AVEN: variants seen among roughly 807,000 people sequenced by gnomAD.
AVEN encodes the protein cell death regulator Aven.
AVEN carries 41 observed loss-of-function variants against 38.1 expected under a neutral mutation model. The ratio of observed to expected loss-of-function variants is 1.08; its 90% CI spans 0.84 to 1.40. AVEN has a LOEUF of 1.40. AVEN is among the 40% of genes most tolerant of loss of function. AVEN has a pLI of 0.00. For synonymous variants in AVEN, 206 were observed against 171.8 expected, an observed-to-expected ratio of 1.20 and a Z score of -1.56; for missense variants, 605 against 438.8, an observed-to-expected ratio of 1.38 and a Z score of -3.38.
intron 5 of AVEN, among the ~76,000 whole-genome samples, chr15:34,057,303 A>ATTTTTTTT (rs59628367): frequency 1.4e-5 from 2 of 147,252 alleles, no homozygotes; most frequent in Non-Finnish European, 3.0e-5. Context: ...CGCCCAGCTA[A>ATTTTTTTT]TTTTTTTTTT....
intron 1 of AVEN, among the ~76,000 whole-genome samples, chr15:34,036,720 C>T (rs965749229): frequency 4.6e-5 from 7 of 152,056 alleles, no homozygotes; most frequent in African/African-American, 1.7e-4. Flanking sequence ...AAGACCAACT[C>T]GACAAAAGAA....
Position 33,859,718 on chromosome 15 carries a change from G to C in AVEN, n.2730-624C>G, listed in dbSNP as rs2153013617. On this transcript the variant is annotated intron_variant and non_coding_transcript_variant, in intron 11 of 11. Coordinates refer to the AVEN transcript ENST00000675287. ...TCTTCTTCGTCATTGTCATCTTGCT[G>C]GCCATCATTCAAGGTATGATTGCCA... is the stretch of plus-strand genomic sequence containing the variant. 3 of 1,609,228 alleles carry C rather than the reference G, an allele frequency of 1.9e-6. No individual in the cohort carries two copies. The East Asian group carries it at 6.7e-5, about 36-fold the overall frequency.
chr15:33,860,812 C>G (rs1002473995), intron 11 of AVEN, among the ~76,000 whole-genome samples: 1 of 152,008 alleles, frequency 6.6e-6, no homozygotes, highest in Non-Finnish European at 1.5e-5. Context: ...CCCTGCCATA[C>G]CCCTGCCAGG....
chr15:33,892,736 GT>G (rs35922662), intron 2 of AVEN, among the ~76,000 whole-genome samples: 146,837 of 150,548 alleles, frequency 0.98, 71,617 homozygotes, highest in East Asian at 0.98. Flanking sequence ...CTTTAAAGTA[GT>G]TTTTTTTTTT....
chr15:33,983,172 ATATATACACACGTGTGTG>A (rs1896245611), intron 2 of AVEN, among the ~76,000 whole-genome samples: 2 of 93,342 alleles, frequency 2.1e-5, no homozygotes, highest in Non-Finnish European at 3.8e-5. Context: ...GTGTGTGTGT[ATATATACACACGTGTGTG>A]TATGTGTGTG....
intron 2 of AVEN, among the ~76,000 whole-genome samples, chr15:33,986,398 C>T (rs578016843): frequency 2.2e-4 from 34 of 152,076 alleles, no homozygotes; most frequent in African/African-American, 7.7e-4. Flanking sequence ...CGTAAGCCAC[C>T]GCGCCCGGCC....
rs1567460464 is a variant in AVEN at position 34,003,164 on chromosome 15, C to A, written c.313G>T (p.Glu105Ter). The A allele has an allele frequency of 6.2e-7, 1 of 1,613,642 alleles. No homozygotes were observed. Among genetic ancestry groups the A allele is most frequent in the African/African-American group, 1.3e-5 (1 of 74,896 alleles). Residue 105 changes from glutamate (E) to a stop codon, truncating the protein, a stop_gained, in exon 2 of 6, where the codon GAA (glutamate) becomes TAA (stop). Coordinates refer to ENST00000306730, the MANE Select transcript of AVEN (RefSeq NM_020371.3). LOFTEE classifies it high-confidence loss of function. ...TTTCTTTTAGAATAATTTCCCTGTTCATCATTCTCTTCTCCATAGGTCTCT... is the reference window on the plus strand; with the variant it reads ...TTTCTTTTAGAATAATTTCCCTGTTAATCATTCTCTTCTCCATAGGTCTCT... ...DAETYGEEND[E>*]QGNYSKRKIV...
chr15:33,860,518 A>G, intron 11 of AVEN: 1 of 831,294 alleles, frequency 1.2e-6, no homozygotes, highest in South Asian at 2.2e-5. Flanking sequence ...AACAGAACAA[A>G]GTAGCTTCTT....
At chr15:34,052,987 A>G (rs978690035) in intron 5 of AVEN, among the ~76,000 whole-genome samples, 6 of 152,090 alleles carry the variant, frequency 3.9e-5, no homozygotes, top group South Asian at 2.1e-4. Flanking sequence ...CAAAATTAGA[A>G]AAAAACTACT....
chr15:33,925,786 T>C (rs776548650), intron 2 of AVEN, among the ~76,000 whole-genome samples: 3 of 152,214 alleles, frequency 2.0e-5, no homozygotes, highest in Non-Finnish European at 4.4e-5. Flanking sequence ...ACTCTGAACC[T>C]ACTTGAGATG....
At chr15:33,890,920 C>A (rs1891919322) in intron 2 of AVEN, among the ~76,000 whole-genome samples, 1 of 152,092 alleles carries the variant, frequency 6.6e-6, no homozygotes, top group South Asian at 2.1e-4. Context: ...CCAGCCTGGG[C>A]AACATAGTGA....
At chr15:33,853,669 T>C in the AVEN span, 1 of 1,613,718 alleles carries the variant, frequency 6.2e-7, no homozygotes, top group Non-Finnish European at 8.5e-7. Flanking sequence ...AGAAGCGGCT[T>C]CTCTGGTGTC....
intron 1 of AVEN, among the ~76,000 whole-genome samples, chr15:34,008,736 C>A (rs972900008): frequency 2.0e-5 from 3 of 152,060 alleles, no homozygotes; most frequent in Admixed American, 2.0e-4. Context: ...GATCTGCCCG[C>A]TTCAGCCTCC....
chr15:34,023,059 C>T (rs1177698128), intron 1 of AVEN, among the ~76,000 whole-genome samples: 1 of 152,122 alleles, frequency 6.6e-6, no homozygotes, highest in East Asian at 1.9e-4. Context: ...TGGTGGTGTG[C>T]GCCTGTAGTC....
chr15:34,047,372 C>T (rs187170038), intron 5 of AVEN, among the ~76,000 whole-genome samples: 107 of 152,250 alleles, frequency 7.0e-4, no homozygotes, highest in African/African-American at 2.4e-3. Context: ...CCACCGTGCC[C>T]GGCGGAGACC....
chr15:34,068,966 C>T (rs1433546266), intron 2 of AVEN, among the ~76,000 whole-genome samples: 9 of 152,104 alleles, frequency 5.9e-5, no homozygotes, highest in African/African-American at 2.2e-4. Flanking sequence ...CGCCTGCCAC[C>T]ACGCCCGGCT....
intron 2 of AVEN, among the ~76,000 whole-genome samples, chr15:33,989,898 G>T (rs978219222): frequency 6.6e-6 from 1 of 150,464 alleles, no homozygotes; most frequent in Non-Finnish European, 1.5e-5. Context: ...TACACTAGAT[G>T]CTATTAGAAC....
intron 1 of AVEN, among the ~76,000 whole-genome samples, chr15:34,014,447 C>G (rs1897789714): frequency 6.7e-6 from 1 of 149,178 alleles, no homozygotes; most frequent in East Asian, 2.0e-4. Flanking sequence ...ATGGTTTTCC[C>G]AGGTCCCCTG....
chr15:33,871,967 T>C (rs1890979322), intron 3 of AVEN, among the ~76,000 whole-genome samples: 1 of 152,256 alleles, frequency 6.6e-6, no homozygotes, highest in African/African-American at 2.4e-5. Flanking sequence ...GTACATGTTT[T>C]AAAGTATTCG....
Sources: allele counts gnomAD v4.1 joint callset (sites outside exome capture counted in the v4.1 genomes callset), GRCh38; gene constraint gnomAD v4.1.1; transcripts MANE v1.5; gene names NCBI Gene and HGNC (gene_info 2026-07-23, HGNC 2026-07-21).